DAB1: variants seen among roughly 807,000 people sequenced by gnomAD.
The protein encoded by DAB1 is disabled homolog 1.
DAB1 carries 15 observed loss-of-function variants against 64.6 expected under a neutral mutation model. The ratio of observed to expected loss-of-function variants is 0.23; its 90% CI spans 0.16 to 0.36. The LOEUF is 0.36. Ranked by LOEUF, DAB1 falls within the 10% of genes least tolerant of loss-of-function variation. The probability of loss-of-function intolerance (pLI) is 1.00; values close to 1 mark genes in which losing one functional copy is unlikely to be tolerated. For synonymous variants in DAB1, 235 were observed against 251.9 expected, an observed-to-expected ratio of 0.93 and a Z score of 0.64; for missense variants, 596 against 706.7, an observed-to-expected ratio of 0.84 and a Z score of 1.78.
chr1:58,519,966 C>CAT (rs138828781), intron 2 of DAB1, among the ~76,000 whole-genome samples: 17,728 of 152,072 alleles, frequency 0.12, 1,223 homozygotes, highest in African/African-American at 0.19. Context: ...TAGTGGAAAA[C>CAT]ACATTCTGAT....
At chr1:57,655,183 C>A (rs1404875095) in intron 6 of DAB1, among the ~76,000 whole-genome samples, 1 of 152,124 alleles carries the variant, frequency 6.6e-6, no homozygotes, top group Non-Finnish European at 1.5e-5. Flanking sequence ...ATCCATCCAT[C>A]CATCAATCAA....
intron 2 of DAB1, among the ~76,000 whole-genome samples, chr1:57,235,477 T>A (rs550158283): frequency 1.1e-3 from 166 of 152,162 alleles, no homozygotes; most frequent in Non-Finnish European, 1.2e-3. Context: ...ATATATTAGC[T>A]CCTTTTCCTC....
intron 9 of DAB1, among the ~76,000 whole-genome samples, chr1:57,052,652 G>A (rs1169485304): frequency 6.6e-6 from 1 of 152,162 alleles, no homozygotes; most frequent in African/African-American, 2.4e-5. Context: ...GATACTGGGA[G>A]CAAGATATTG....
At chr1:58,186,730 T>C (rs958846569) in intron 4 of DAB1, among the ~76,000 whole-genome samples, 2 of 152,232 alleles carry the variant, frequency 1.3e-5, no homozygotes, top group Non-Finnish European at 2.9e-5. Flanking sequence ...GACTTCCTCA[T>C]ATGTCTGAGC....
intron 2 of DAB1, among the ~76,000 whole-genome samples, chr1:57,198,834 A>G (rs950490025): frequency 2.0e-5 from 3 of 152,168 alleles, no homozygotes; most frequent in Non-Finnish European, 2.9e-5. Context: ...ACGGGAGGTG[A>G]AAAAGCATAG....
At chr1:58,326,680 A>C (rs898429540) in intron 4 of DAB1, among the ~76,000 whole-genome samples, 14 of 152,182 alleles carry the variant, frequency 9.2e-5, no homozygotes, top group Admixed American at 9.2e-4. Context: ...CAGAAACTTG[A>C]GGTAATGTCA....
At chr1:57,124,497 T>C (rs1452946850) in intron 4 of DAB1, among the ~76,000 whole-genome samples, 1 of 152,156 alleles carries the variant, frequency 6.6e-6, no homozygotes, top group African/African-American at 2.4e-5. Context: ...CAATTGCCAG[T>C]AAAATCTTTA....
rs557732980 is a variant in DAB1, at chr1:57,248,847, T to C, written c.67+42117A>G. Among the ~76,000 whole-genome samples the C allele has an allele frequency of 2.0e-5, 3 of 152,328 alleles. No homozygotes were observed. The East Asian group carries it at 5.8e-4, about 29-fold the overall frequency. On this transcript the variant is annotated intron_variant, in intron 2 of 14. Coordinates refer to ENST00000371236, the MANE Select transcript of DAB1 (RefSeq NM_001365792.1). ...ATATGGGATGTTATTTAACCTCCAA[T>C]GAATCTTTTGCTAGCATTTTTCCTC... is the stretch of plus-strand genomic sequence containing the variant.
chr1:57,517,311 A>G (rs1644474474), intron 7 of DAB1, among the ~76,000 whole-genome samples: 1 of 151,950 alleles, frequency 6.6e-6, no homozygotes, highest in Non-Finnish European at 1.5e-5. Context: ...GTTTATTTGT[A>G]TCTCTATTAA....
intron 7 of DAB1, among the ~76,000 whole-genome samples, chr1:57,566,820 A>G (rs1341570741): frequency 9.9e-5 from 15 of 152,146 alleles, no homozygotes; most frequent in Admixed American, 3.9e-4. Context: ...GGACCAGACG[A>G]ATTCACAGCC....
intron 5 of DAB1, among the ~76,000 whole-genome samples, chr1:57,969,846 G>A (rs1482830718): frequency 1.3e-5 from 2 of 152,086 alleles, no homozygotes; most frequent in Non-Finnish European, 2.9e-5. Flanking sequence ...TCAGTTTTGT[G>A]CTTTAGATAT....
intron 5 of DAB1, among the ~76,000 whole-genome samples, chr1:57,919,194 G>C (rs1267218202): frequency 6.6e-6 from 1 of 152,170 alleles, no homozygotes; most frequent in Non-Finnish European, 1.5e-5. Context: ...GAGGAGGGTT[G>C]GGAGGGTTAA....
At chr1:57,278,853 T>C (rs1671674732) in intron 2 of DAB1, among the ~76,000 whole-genome samples, 1 of 152,210 alleles carries the variant, frequency 6.6e-6, no homozygotes, top group African/African-American at 2.4e-5. Flanking sequence ...TCTTTCCAGC[T>C]TCTCACCTTC....
At chr1:57,922,484 C>T (rs886866925) in intron 5 of DAB1, among the ~76,000 whole-genome samples, 1 of 152,034 alleles carries the variant, frequency 6.6e-6, no homozygotes, top group Non-Finnish European at 1.5e-5. Flanking sequence ...GAACAGAGTA[C>T]ACAGCTTGGG....
chr1:58,338,744 T>C (rs1423207119), intron 4 of DAB1, among the ~76,000 whole-genome samples: 1 of 152,082 alleles, frequency 6.6e-6, no homozygotes, highest in Admixed American at 6.6e-5. Context: ...AGCTAAAAGG[T>C]GGAAACAACC....
intron 5 of DAB1, among the ~76,000 whole-genome samples, chr1:57,951,317 C>CATAT (rs150140800): frequency 0.13 from 9,369 of 69,838 alleles, 2,431 homozygotes; most frequent in African/African-American, 0.36. Context: ...GAGCCTGATT[C>CATAT]ATATATATAT....
chr1:57,991,850 A>AAAT (rs1646345190), intron 5 of DAB1, among the ~76,000 whole-genome samples: 3 of 148,434 alleles, frequency 2.0e-5, no homozygotes, highest in Non-Finnish European at 4.5e-5. Context: ...TGTCTCAAAA[A>AAAT]AAAAAAAAAA....
intron 3 of DAB1, among the ~76,000 whole-genome samples, chr1:58,422,323 C>T (rs893922841): frequency 6.6e-6 from 1 of 151,780 alleles, no homozygotes; most frequent in African/African-American, 2.4e-5. Context: ...TTGCTGTGGA[C>T]ACTTCTTTTA....
intron 3 of DAB1, among the ~76,000 whole-genome samples, chr1:58,425,666 G>C (rs1644815833): frequency 6.6e-6 from 1 of 152,088 alleles, no homozygotes; most frequent in Non-Finnish European, 1.5e-5. Flanking sequence ...AGGATAAGCA[G>C]AAAAGAAAAC....
Sources: allele counts gnomAD v4.1 joint callset (sites outside exome capture counted in the v4.1 genomes callset), GRCh38; gene constraint gnomAD v4.1.1; transcripts MANE v1.5; gene names NCBI Gene and HGNC (gene_info 2026-07-23, HGNC 2026-07-21).